The following FILIP1L variants were observed in gnomAD, a reference collection of about 807,000 sequenced individuals.
FILIP1L encodes the protein filamin A-interacting protein 1-like.
In FILIP1L, 55 loss-of-function variants were observed where a neutral mutation model predicts 96.6. That is an observed-to-expected ratio of 0.57 (90% confidence interval 0.46 to 0.71). FILIP1L has a LOEUF of 0.71. Among genes scored for constraint, FILIP1L ranks in the 30% least tolerant of loss-of-function variants. FILIP1L has a pLI of 0.00. For missense variants in FILIP1L, 1,304 were observed against 1,321.2 expected, an observed-to-expected ratio of 0.99 and a Z score of 0.20; for synonymous variants, 467 against 473.9, an observed-to-expected ratio of 0.99 and a Z score of 0.19.
rs560479745 is a variant in FILIP1L, at chr3:100,111,035, A to G, written c.-11+3018T>C. On this transcript the variant is annotated intron_variant, in intron 1 of 5. Coordinates refer to ENST00000477258, the MANE Select transcript of FILIP1L (RefSeq NM_001387850.1). ...TAATTTTTTATTTCATTACAATAAT[A>G]GGAGTCAATTCAGAGCTTTACAGCC... 2.6e-5 allele frequency among the ~76,000 whole-genome samples: 4 copies of G among 152,328 alleles called. No homozygotes were observed. The South Asian group carries it at 6.2e-4, about 24-fold the overall frequency.
In FILIP1L at chr3:99,905,137, A is replaced by G. The variant is rs1040318268; in HGVS notation, c.605+19093T>C. 1.9e-4 allele frequency among the ~76,000 whole-genome samples: 29 copies of G among 152,256 alleles called. 1 individual carries two copies. The highest frequency in any genetic ancestry group is 2.6e-4 in the Non-Finnish European group (18 of 68,018). On this transcript the variant is annotated intron_variant, in intron 4 of 5. Coordinates refer to ENST00000477258, the MANE Select transcript of FILIP1L (RefSeq NM_001387850.1). ...TAGACTGCTTCTTGTCTACCTTCCT[A>G]GATAGCTTATCCCCCTTTGAATGTA... is the stretch of plus-strand genomic sequence containing the variant.
chr3:99,913,092 C>T (rs1418171240), intron 4 of FILIP1L, among the ~76,000 whole-genome samples: 1 of 152,184 alleles, frequency 6.6e-6, no homozygotes, highest in Non-Finnish European at 1.5e-5. Context: ...AAGGAGACGA[C>T]AGCGGTTTAC....
chr3:99,869,189 T>C (rs1944663651), intron 4 of FILIP1L, among the ~76,000 whole-genome samples: 1 of 152,186 alleles, frequency 6.6e-6, no homozygotes. Context: ...AGAGAAGAAT[T>C]CACTTGGAGA....
chr3:100,091,241 C>T lies in FILIP1L; in HGVS notation c.-11+22812G>A, dbSNP rs146460648. Among the ~76,000 whole-genome samples the T allele has an allele frequency of 8.7e-5, 13 of 149,634 alleles. No homozygotes were observed. In the East Asian group the frequency reaches 1.8e-3, roughly 20 times the overall value. On this transcript the variant is annotated intron_variant, in intron 1 of 5. Transcript: ENST00000477258. ...CGGAACTTGCAGTGAGCCGAGATTGCGCCACTGCACTCCAGACTAGGCGAC... is the reference window on the plus strand; with the variant it reads ...CGGAACTTGCAGTGAGCCGAGATTGTGCCACTGCACTCCAGACTAGGCGAC...
intron 1 of FILIP1L, among the ~76,000 whole-genome samples, chr3:100,083,429 C>T (rs2065961349): frequency 6.6e-6 from 1 of 152,208 alleles, no homozygotes; most frequent in South Asian, 2.1e-4. Context: ...GAATCAGAAA[C>T]CCTAGGGGTG....
intron 1 of FILIP1L, among the ~76,000 whole-genome samples, chr3:99,953,253 A>G (rs1035814690): frequency 6.6e-6 from 1 of 152,108 alleles, no homozygotes; most frequent in Non-Finnish European, 1.5e-5. Context: ...GCTATAACCA[A>G]TCGTTTCTTT....
chr3:100,021,886 T>C lies in FILIP1L; in HGVS notation c.-10-90856A>G, dbSNP rs1454651771. ...AATAGCTGATACTTTATGAAACTGT[T>C]CTTAGAATAGCTTGGATGCTAGATC... is the stretch of plus-strand genomic sequence containing the variant. On this transcript the variant is annotated intron_variant, in intron 1 of 5. Coordinates refer to ENST00000477258, the MANE Select transcript of FILIP1L (RefSeq NM_001387850.1). 3.3e-5 allele frequency among the ~76,000 whole-genome samples: 5 copies of C among 149,832 alleles called. No homozygotes were observed. The East Asian group carries it at 9.8e-4, about 29-fold the overall frequency.
chr3:99,968,802 C>A (rs1708729125), intron 1 of FILIP1L, among the ~76,000 whole-genome samples: 1 of 152,134 alleles, frequency 6.6e-6, no homozygotes, highest in African/African-American at 2.4e-5. Flanking sequence ...AGAGAAGTTT[C>A]AGTCCAGTGG....
At chr3:100,084,968 C>A (rs1366090126) in intron 1 of FILIP1L, among the ~76,000 whole-genome samples, 4 of 152,214 alleles carry the variant, frequency 2.6e-5, no homozygotes, top group African/African-American at 9.6e-5. Flanking sequence ...GAAACTCATT[C>A]TCTGTCCATG....
chr3:99,836,451 T>G (rs1034523652), intron 5 of FILIP1L, among the ~76,000 whole-genome samples: 4 of 152,016 alleles, frequency 2.6e-5, no homozygotes, highest in Non-Finnish European at 5.9e-5. Context: ...TTTGGTAGAG[T>G]TGAAATTTTG....
chr3:99,890,333 A>G (rs572260422), intron 4 of FILIP1L, among the ~76,000 whole-genome samples: 8 of 151,968 alleles, frequency 5.3e-5, no homozygotes, highest in African/African-American at 1.9e-4. Flanking sequence ...TTAAATGCAG[A>G]TTTCTTTTAT....
In FILIP1L at chr3:99,938,068, TGTGTGTGC is replaced by T. The variant is rs796328565; in HGVS notation, c.-10-7046_-10-7039del. Among the ~76,000 whole-genome samples, 842 of 96,990 alleles carry T rather than the reference TGTGTGTGC, an allele frequency of 8.7e-3. 10 individuals are homozygous for T. The highest frequency in any genetic ancestry group is 0.029 in the African/African-American group (685 of 23,700). The allele number at this position is 96,990 out of a possible 152,430, so 63.6% of individuals were successfully genotyped here. ...CTCAGGAAGTGTGTGTGTGTGTGTG[TGTGTGTGC>T]GCGCGCGCGCGCGCGTGCATGCACA... On this transcript the variant is annotated intron_variant, in intron 1 of 5. Transcript: ENST00000477258.
chr3:100,097,541 T>C (rs895729577), intron 1 of FILIP1L, among the ~76,000 whole-genome samples: 18 of 152,210 alleles, frequency 1.2e-4, no homozygotes, highest in African/African-American at 4.1e-4. Context: ...TTGATGTCTT[T>C]CATGAGCATT....
chr3:99,985,772 A>G (rs1022070547), intron 1 of FILIP1L, among the ~76,000 whole-genome samples: 1 of 152,110 alleles, frequency 6.6e-6, no homozygotes, highest in Non-Finnish European at 1.5e-5. Flanking sequence ...TATTTTTACT[A>G]GAGATGGGGT....
Position 100,102,546 on chromosome 3 carries a change from A to G in FILIP1L, c.-11+11507T>C, listed in dbSNP as rs933984040. 2.6e-4 allele frequency among the ~76,000 whole-genome samples: 40 copies of G among 152,184 alleles called. 1 individual carries two copies. The highest frequency in any genetic ancestry group is 6.8e-3 in the Middle Eastern group (2 of 294). ...ATTTTATCTGTACGTCTCTTGTAACACTTTTTATATTCCATATTGTTTTAT... is the reference window on the plus strand; with the variant it reads ...ATTTTATCTGTACGTCTCTTGTAACGCTTTTTATATTCCATATTGTTTTAT... On this transcript the variant is annotated intron_variant, in intron 1 of 5. Transcript: ENST00000477258.
At chr3:100,028,187 A>G (rs2064961697) in intron 1 of FILIP1L, among the ~76,000 whole-genome samples, 2 of 152,208 alleles carry the variant, frequency 1.3e-5, no homozygotes. Context: ...ACATCATTCC[A>G]TTGAGTTAAA....
Position 100,100,972 on chromosome 3 carries a change from G to A in FILIP1L, c.-11+13081C>T, listed in dbSNP as rs567459169. Among the ~76,000 whole-genome samples, 57 of 152,258 alleles carry A rather than the reference G, an allele frequency of 3.7e-4. No individual in the cohort carries two copies. In the Middle Eastern group the frequency reaches 0.014, roughly 36 times the overall value. ...GTCAGTTTTTTAGCCCAGGTATATG[G>A]AGAACAGAGAAGAAAGTGTGTGATG... is the stretch of plus-strand genomic sequence containing the variant. On this transcript the variant is annotated intron_variant, in intron 1 of 5. Transcript: ENST00000477258.
chr3:99,998,769 C>T (rs937042917), intron 1 of FILIP1L, among the ~76,000 whole-genome samples: 22 of 152,152 alleles, frequency 1.4e-4, no homozygotes, highest in African/African-American at 5.3e-4. Flanking sequence ...CCGGGTTTCA[C>T]CGTATTAGCC....
chr3:100,091,609 A>G (rs145457415), intron 1 of FILIP1L, among the ~76,000 whole-genome samples: 112 of 152,364 alleles, frequency 7.4e-4, no homozygotes, highest in African/African-American at 2.6e-3. Context: ...TTACATTACA[A>G]AAGTATAACT....
Sources: gnomAD v4.1 joint callset for allele counts (sites outside exome capture counted in the v4.1 genomes callset) on GRCh38, gnomAD v4.1.1 for gene constraint, MANE v1.5 for transcripts, NCBI Gene and HGNC (gene_info 2026-07-23, HGNC 2026-07-21) for gene names.